DSCAML1: variants seen among roughly 807,000 people sequenced by gnomAD.
DSCAML1 encodes the protein DS cell adhesion molecule like 1.
In DSCAML1, 38 loss-of-function variants were observed where a neutral mutation model predicts 200.5. That is an observed-to-expected ratio of 0.19 (90% CI 0.15 to 0.25). The LOEUF (loss-of-function observed/expected upper bound fraction) is 0.25. Among genes scored for constraint, DSCAML1 ranks in the 10% least tolerant of loss-of-function variants. The pLI is 1.00. For synonymous variants in DSCAML1, 1,215 were observed against 1,165.0 expected (o/e 1.04, Z -0.87); for missense variants, 2,223 against 2,858.8 (o/e 0.78, Z 5.07).
chr11:117,630,670 A>AAAAAG (rs2052153810), intron 3 of DSCAML1, among the ~76,000 whole-genome samples: 1 of 150,286 alleles, frequency 6.7e-6, no homozygotes, highest in African/African-American at 2.4e-5. Flanking sequence ...AAAAAAAAAA[A>AAAAAG]AAAAAAAAAA....
intron 3 of DSCAML1, 91 bp downstream of exon 3, chr11:117,776,700 T>C (rs751008220): frequency 1.1e-5 from 17 of 1,488,726 alleles, no homozygotes; most frequent in Non-Finnish European, 1.5e-5. Flanking sequence ...AAGATCTTAT[T>C]GAGCTCAACA....
chr11:117,482,461 A>G (rs191294260), intron 11 of DSCAML1, among the ~76,000 whole-genome samples: 1 of 152,336 alleles, frequency 6.6e-6, no homozygotes, highest in East Asian at 1.9e-4. Context: ...GTATTGAAAT[A>G]TGGTTATGCA....
chr11:117,594,492 G>A (rs1453296096), intron 3 of DSCAML1, among the ~76,000 whole-genome samples: 1 of 152,254 alleles, frequency 6.6e-6, no homozygotes, highest in Non-Finnish European at 1.5e-5. Context: ...ACCTGTGTGA[G>A]TCTCCCTTCC....
intron 3 of DSCAML1, among the ~76,000 whole-genome samples, chr11:117,640,805 T>C (rs2052390776): frequency 1.3e-5 from 2 of 152,172 alleles, no homozygotes; most frequent in African/African-American, 4.8e-5. Context: ...CCATCCTCAG[T>C]TTCCCCTGGC....
chr11:117,512,760 A>AACAC lies in DSCAML1; in HGVS notation c.1783+3706_1783+3707insGTGT, dbSNP rs1565753846. On this transcript the variant is annotated intron_variant, in intron 8 of 32. Transcript: ENST00000651296. ...CAAGGCATGGGCTCTGTCCTCTAGG[A>AACAC]TCACACACACACACACACACACACA... Among the ~76,000 whole-genome samples, 303 of 60,730 alleles carry AACAC rather than the reference A, an allele frequency of 5.0e-3. 1 individual carries two copies. Among genetic ancestry groups the AACAC allele is most frequent in the African/African-American group, 0.017 (291 of 17,324 alleles). The allele number at this position is 60,730 out of a possible 152,430, so 39.8% of individuals were successfully genotyped here.
intron 3 of DSCAML1, among the ~76,000 whole-genome samples, chr11:117,570,111 G>T (rs942438889): frequency 2.0e-5 from 3 of 152,066 alleles, no homozygotes; most frequent in East Asian, 3.9e-4. Flanking sequence ...AATGTGTTGG[G>T]GGATGTTCAA....
intron 19 of DSCAML1, among the ~76,000 whole-genome samples, chr11:117,454,438 T>C (rs1592602460): frequency 6.6e-6 from 1 of 152,406 alleles, no homozygotes; most frequent in Non-Finnish European, 1.5e-5. Flanking sequence ...TAATGTGTTA[T>C]TAAACCCATC....
At chr11:117,639,779 G>A (rs1480453467) in intron 3 of DSCAML1, among the ~76,000 whole-genome samples, 1 of 152,118 alleles carries the variant, frequency 6.6e-6, no homozygotes, top group Non-Finnish European at 1.5e-5. Flanking sequence ...AACTGGTAGT[G>A]GCTGCAGAGG....
At chr11:117,657,640 CT>C (rs1163850999) in intron 3 of DSCAML1, among the ~76,000 whole-genome samples, 1 of 152,192 alleles carries the variant, frequency 6.6e-6, no homozygotes, top group Non-Finnish European at 1.5e-5. Flanking sequence ...TGGGGATCTG[CT>C]TTTCTGACTT....
At chr11:117,639,592 TG>T (rs984569776) in intron 3 of DSCAML1, among the ~76,000 whole-genome samples, 9 of 149,236 alleles carry the variant, frequency 6.0e-5, no homozygotes, top group African/African-American at 2.0e-4. Flanking sequence ...GGCTTGAGGG[TG>T]GGGGGACATC....
At chr11:117,589,494 CGG>C in intron 3 of DSCAML1, among the ~76,000 whole-genome samples, 1 of 152,096 alleles carries the variant, frequency 6.6e-6, no homozygotes, top group East Asian at 1.9e-4. Flanking sequence ...TTCTTAGACA[CGG>C]CAAATGGTTC....
At chr11:117,467,134 C>T (rs2048594806) in intron 16 of DSCAML1, among the ~76,000 whole-genome samples, 1 of 151,718 alleles carries the variant, frequency 6.6e-6, no homozygotes, top group Non-Finnish European at 1.5e-5. Context: ...ACTCTCATCC[C>T]AGGCTCGAAC....
chr11:117,716,539 G>A (rs1368552108), intron 3 of DSCAML1, among the ~76,000 whole-genome samples: 1 of 152,138 alleles, frequency 6.6e-6, no homozygotes, highest in Non-Finnish European at 1.5e-5. Context: ...AGAACAGGTG[G>A]GCGTGCCTAG....
chr11:117,431,113 AC>A, intron 31 of DSCAML1, 80 bp from the exon 32 acceptor site: 1 of 1,369,304 alleles, frequency 7.3e-7, no homozygotes, highest in Non-Finnish European at 9.9e-7. Flanking sequence ...CCTGCCCGTA[AC>A]CCCAGCAGCC....
chr11:117,472,151 C>A, intron 14 of DSCAML1, 115 bp from the exon 15 acceptor site: 1 of 1,166,814 alleles, frequency 8.6e-7, no homozygotes, highest in Non-Finnish European at 1.2e-6. Flanking sequence ...GTCCAGCTCA[C>A]ACAGACTGCA....
chr11:117,491,381 G>A (rs1275591491), intron 11 of DSCAML1, among the ~76,000 whole-genome samples: 1 of 152,240 alleles, frequency 6.6e-6, no homozygotes, highest in Non-Finnish European at 1.5e-5. Flanking sequence ...AACTGAGGCT[G>A]AGATAAATAA....
At chr11:117,565,304 C>A (rs1008446865) in intron 3 of DSCAML1, among the ~76,000 whole-genome samples, 1 of 152,142 alleles carries the variant, frequency 6.6e-6, no homozygotes, top group Non-Finnish European at 1.5e-5. Flanking sequence ...GAATATTTGT[C>A]TTTTCTTTAT....
intron 14 of DSCAML1, among the ~76,000 whole-genome samples, chr11:117,472,493 TTCTG>T (rs1002471933): frequency 6.6e-5 from 10 of 152,192 alleles, no homozygotes; most frequent in Admixed American, 5.2e-4. Context: ...TTGTGTGTGC[TTCTG>T]TCTTTCTTTT....
chr11:117,671,834 C>T (rs971350419), intron 3 of DSCAML1, among the ~76,000 whole-genome samples: 1 of 151,796 alleles, frequency 6.6e-6, no homozygotes, highest in Admixed American at 6.6e-5. Flanking sequence ...ACCTTGGGGC[C>T]GGCGCGGTGG....
Sources: gnomAD v4.1 joint callset for allele counts (sites outside exome capture counted in the v4.1 genomes callset) on GRCh38, gnomAD v4.1.1 for gene constraint, MANE v1.5 for transcripts, NCBI Gene and HGNC (gene_info 2026-07-23, HGNC 2026-07-21) for gene names.